The following APBA1 variants were observed in gnomAD, a reference collection of about 807,000 sequenced individuals.
APBA1 encodes amyloid-beta A4 precursor protein-binding family A member 1.
In APBA1, 55 loss-of-function variants were observed where a neutral mutation model predicts 86.6. The ratio of observed to expected loss-of-function variants is 0.64; its 90% confidence interval spans 0.51 to 0.80. The LOEUF is 0.80. Ranked by LOEUF, APBA1 falls within the 30% of genes least tolerant of loss-of-function variation. APBA1 has a pLI of 0.00. For synonymous variants in APBA1, 511 were observed against 493.9 expected, an observed-to-expected ratio of 1.03 and a Z score of -0.46; for missense variants, 1,090 against 1,183.0, an observed-to-expected ratio of 0.92 and a Z score of 1.15.
intron 1 of APBA1, among the ~76,000 whole-genome samples, chr9:69,522,647 A>G (rs901263417): frequency 1.3e-5 from 2 of 152,252 alleles, no homozygotes; most frequent in African/African-American, 4.8e-5. Flanking sequence ...TACTCAAGAT[A>G]CAAAAGCAGC....
At chr9:69,586,094 A>G (rs1432831163) in intron 1 of APBA1, among the ~76,000 whole-genome samples, 1 of 152,138 alleles carries the variant, frequency 6.6e-6, no homozygotes, top group Non-Finnish European at 1.5e-5. Context: ...CAGCTGCTCA[A>G]CAGGATTTCT....
rs116956023 is a variant in APBA1 at position 69,622,286 on chromosome 9, C to T, written c.-70+49867G>A. ...AAAGCTCAGGTGTGCCACACATCTC[C>T]TCCAGCAAAATCATCTCTAGAAAGT... On this transcript the variant is annotated intron_variant, in intron 1 of 12. Coordinates refer to ENST00000265381, the MANE Select transcript of APBA1 (RefSeq NM_001163.4). Among the ~76,000 whole-genome samples, 5 of 152,300 alleles carry T rather than the reference C, an allele frequency of 3.3e-5. No homozygotes were observed. In the East Asian group the frequency reaches 9.6e-4, roughly 29 times the overall value.
At chr9:69,545,033 C>T (rs964136864) in intron 1 of APBA1, among the ~76,000 whole-genome samples, 2 of 152,224 alleles carry the variant, frequency 1.3e-5, no homozygotes, top group African/African-American at 4.8e-5. Flanking sequence ...GTTTCTTCCC[C>T]CTGGCCTTAG....
intron 1 of APBA1, among the ~76,000 whole-genome samples, chr9:69,662,485 AG>A (rs1339788355): frequency 1.3e-5 from 2 of 152,202 alleles, no homozygotes; most frequent in African/African-American, 4.8e-5. Context: ...ACATAAGATT[AG>A]GTTAAGCTTT....
chr9:69,494,648 A>G (rs1835767043), intron 2 of APBA1: 1 of 152,152 alleles, frequency 6.6e-6, no homozygotes, highest in South Asian at 2.1e-4. Context: ...GGAGTCTTTC[A>G]TTCATTTCCA....
Position 69,431,355 on chromosome 9 carries a change from G to A in APBA1, c.2486C>T (p.Thr829Met), listed in dbSNP as rs1256767961. 9 of 1,612,510 alleles carry A rather than the reference G, an allele frequency of 5.6e-6. No homozygotes were observed. The highest frequency in any genetic ancestry group is 1.3e-5 in the African/African-American group (1 of 74,962). The change falls in exon 13 of 13, where the codon ACG (threonine) becomes ATG (methionine). Residue 829 changes from threonine to methionine, a missense_variant. By Grantham distance (81) the Thr-to-Met change is moderately conservative (BLOSUM62 -1). Coordinates refer to ENST00000265381, the MANE Select transcript of APBA1 (RefSeq NM_001163.4). Reference sequence around the variant, plus strand: ...GATGTAAACAGGCTGCTCCTGGGCCGTCAGCAGCCTGTACATCGCGGCTGG... The same window carrying A: ...GATGTAAACAGGCTGCTCCTGGGCCATCAGCAGCCTGTACATCGCGGCTGG... ...TMPAAMYRLL[T>M]AQEQPVYI is the part of the protein sequence containing the mutation.
At chr9:69,557,109 C>CTA (rs1340318800) in intron 1 of APBA1, among the ~76,000 whole-genome samples, 2 of 152,070 alleles carry the variant, frequency 1.3e-5, no homozygotes, top group African/African-American at 4.8e-5. Flanking sequence ...AATATTGTAT[C>CTA]CACGATCATG....
intron 1 of APBA1, among the ~76,000 whole-genome samples, chr9:69,572,933 A>T (rs1837139160): frequency 6.6e-6 from 1 of 152,184 alleles, no homozygotes; most frequent in Admixed American, 6.5e-5. Flanking sequence ...TTTCCTATGC[A>T]GTCCCTTGTT....
At chr9:69,514,237 C>T (rs1836097195) in intron 2 of APBA1, among the ~76,000 whole-genome samples, 1 of 152,128 alleles carries the variant, frequency 6.6e-6, no homozygotes, top group South Asian at 2.1e-4. Context: ...GAAGGATACC[C>T]TGATACCACC....
chr9:69,587,285 C>T (rs1469350737), intron 1 of APBA1, among the ~76,000 whole-genome samples: 2 of 152,126 alleles, frequency 1.3e-5, no homozygotes, highest in African/African-American at 2.4e-5. Flanking sequence ...GGGCAGGTGC[C>T]CCAGAGTCTA....
Position 69,515,978 on chromosome 9 carries a change from G to A in APBA1, c.1200+33C>T, listed in dbSNP as rs190340761. 2.1e-3 allele frequency: 3,084 copies of A among 1,493,168 alleles called. 9 individuals are homozygous for A. The highest frequency in any genetic ancestry group is 2.6e-3 in the Non-Finnish European group (2,861 of 1,109,572). 92.5% of individuals were successfully genotyped at this position (1,493,168 alleles called of 1,614,324 possible). ...GCGCCATCTTCCCTCCCACCGCGTG[G>A]GGCCGAGGAAGCCCAAACCCGCACC... is the stretch of plus-strand genomic sequence containing the variant. On this transcript the variant is annotated intron_variant, in intron 2 of 12. Transcript: ENST00000265381.
At chr9:69,449,495 T>C in intron 10 of APBA1, 89 bp downstream of exon 10, 1 of 1,208,908 alleles carries the variant, frequency 8.3e-7, no homozygotes, top group East Asian at 2.4e-5. Flanking sequence ...ACTTTGAATA[T>C]GTTCATATAC....
rs757759636 is a variant in APBA1, at chr9:69,471,699, TA to T, written c.1297-5del. 6.2e-7 allele frequency: 1 copy of T among 1,612,538 alleles called. No homozygotes were observed. On this transcript the variant is annotated splice_region_variant and splice_polypyrimidine_tract_variant and intron_variant, in intron 3 of 12. Transcript: ENST00000265381. ...ATGAAGCCAAGCTTTTTCTTGACTGTAATAAAGACAAAGAGGTTTCAAAAAG... is the reference window on the plus strand; with the variant it reads ...ATGAAGCCAAGCTTTTTCTTGACTGTATAAAGACAAAGAGGTTTCAAAAAG...
At chr9:69,626,082 T>C (rs1226889005) in intron 1 of APBA1, among the ~76,000 whole-genome samples, 4 of 152,196 alleles carry the variant, frequency 2.6e-5, no homozygotes, top group African/African-American at 9.6e-5. Context: ...CAAATTTTTG[T>C]TCAAGCCTTT....
intron 2 of APBA1, among the ~76,000 whole-genome samples, chr9:69,511,212 A>C (rs1474521232): frequency 3.3e-5 from 5 of 152,312 alleles, no homozygotes; most frequent in Admixed American, 6.5e-5. Context: ...CAATGAACTC[A>C]AACAAATTTA....
chr9:69,468,433 C>G (rs568079319), intron 4 of APBA1, among the ~76,000 whole-genome samples: 7 of 152,308 alleles, frequency 4.6e-5, no homozygotes, highest in Admixed American at 2.0e-4. Context: ...ACTTGCCCCC[C>G]CCCATTCATA....
At position 69,516,986 on chromosome 9, in the gene APBA1, C is replaced by A; in HGVS notation, c.225G>T (p.Leu75=). 3.2e-6 allele frequency: 5 copies of A among 1,585,110 alleles called. No individual in the cohort carries two copies. The highest frequency in any genetic ancestry group is 4.3e-6 in the Non-Finnish European group (5 of 1,172,582). Residue 75 remains leucine (L), a synonymous_variant, in exon 2 of 13, where the codon CTG becomes CTT. Transcript: ENST00000265381. This position sits in a 1 kb window ranked among gnomAD's most constrained non-coding sequence, Gnocchi z 7.3. ...GQEEEERGEC[L]ARSASTESGF... ...CGCTCTCCGTGCTGGCTGAGCGCGC[C>A]AGGCATTCCCCGCGCTCCTCTTCCT...
At chr9:69,544,785 G>A (rs190077742) in intron 1 of APBA1, among the ~76,000 whole-genome samples, 78 of 152,238 alleles carry the variant, frequency 5.1e-4, no homozygotes, top group Non-Finnish European at 9.9e-4. Flanking sequence ...AGTCTATAGA[G>A]AATGCTTGTT....
rs61262615 is a variant in APBA1, at chr9:69,434,711, T to TA, written c.2302-2036dup. On this transcript the variant is annotated intron_variant, in intron 11 of 12. Coordinates refer to ENST00000265381, the MANE Select transcript of APBA1 (RefSeq NM_001163.4). ...GACAGAGCGAGACTCCATCTCAATT[T>TA]AAAAAAAAAAAAAAAGGCCATGCTA... is the stretch of plus-strand genomic sequence containing the variant. Among the ~76,000 whole-genome samples, 486 of 133,908 alleles carry TA rather than the reference T, an allele frequency of 3.6e-3. 5 individuals carry two copies. Among genetic ancestry groups the TA allele is most frequent in the African/African-American group, 4.9e-3 (184 of 37,306 alleles). 87.8% of individuals were successfully genotyped at this position (133,908 alleles called of 152,430 possible).
Sources: gnomAD v4.1 joint callset for allele counts (sites outside exome capture counted in the v4.1 genomes callset) on GRCh38, gnomAD v4.1.1 for gene constraint, Gnocchi (gnomAD v3.1) non-coding constraint, MANE v1.5 for transcripts, NCBI Gene and HGNC (gene_info 2026-07-23, HGNC 2026-07-21) for gene names.